The following DNER variants were observed in gnomAD, a reference collection of about 807,000 sequenced individuals.
DNER encodes the protein delta/notch like EGF repeat containing.
A neutral mutation model predicts 78.2 loss-of-function variants in DNER; 33 were observed. The ratio of observed to expected loss-of-function variants is 0.42; its 90% confidence interval spans 0.32 to 0.56. The LOEUF (loss-of-function observed/expected upper bound fraction) is 0.56, where lower values mean the gene tolerates loss of function less well. DNER is among the 20% of genes least tolerant of loss of function. The probability of loss-of-function intolerance (pLI) is 0.11; values close to 1 mark genes in which losing one functional copy is unlikely to be tolerated. For synonymous variants in DNER, 417 were observed against 384.8 expected (o/e 1.08, Z -0.98); for missense variants, 918 against 975.3 (o/e 0.94, Z 0.78).
chr2:229,643,778 T>G (rs755657225), intron 1 of DNER, among the ~76,000 whole-genome samples: 21 of 152,238 alleles, frequency 1.4e-4, no homozygotes, highest in Non-Finnish European at 1.2e-4. Flanking sequence ...TTTGCCATAC[T>G]TAGCCATTTT....
chr2:229,436,984 T>C (rs1468655996), intron 8 of DNER, among the ~76,000 whole-genome samples: 1 of 152,226 alleles, frequency 6.6e-6, no homozygotes, highest in African/African-American at 2.4e-5. Flanking sequence ...CATGCCCCAA[T>C]TAAAAGGCAC....
At chr2:229,506,083 C>G (rs1011745530) in intron 6 of DNER, among the ~76,000 whole-genome samples, 1 of 152,178 alleles carries the variant, frequency 6.6e-6, no homozygotes, top group Non-Finnish European at 1.5e-5. Flanking sequence ...AACCACCAAA[C>G]TGTTTTGGGG....
chr2:229,531,376 A>G (rs547349493), intron 5 of DNER, among the ~76,000 whole-genome samples: 1 of 152,368 alleles, frequency 6.6e-6, no homozygotes, highest in South Asian at 2.1e-4. Context: ...TTCCAAAGAC[A>G]TAAAGCACCT....
At chr2:229,447,289 G>A (rs1238822789) in intron 8 of DNER, 27 bp downstream of exon 8, 2 of 1,549,446 alleles carry the variant, frequency 1.3e-6, no homozygotes, top group Non-Finnish European at 1.8e-6. Context: ...AGAAAAGGAA[G>A]ATGTACTGTG....
intron 11 of DNER, among the ~76,000 whole-genome samples, chr2:229,379,919 G>A (rs1464654040): frequency 6.6e-6 from 1 of 152,154 alleles, no homozygotes; most frequent in Non-Finnish European, 1.5e-5. Context: ...CAACAAGAAA[G>A]TAGTTCTCAC....
intron 12 of DNER, among the ~76,000 whole-genome samples, chr2:229,364,571 C>T (rs959076991): frequency 4.3e-4 from 66 of 152,152 alleles, no homozygotes; most frequent in African/African-American, 1.6e-3. Flanking sequence ...GTTGAGTTCT[C>T]TGTCCTCCCT....
chr2:229,544,418 A>T (rs1372999154), intron 5 of DNER, among the ~76,000 whole-genome samples: 2 of 152,164 alleles, frequency 1.3e-5, no homozygotes, highest in Non-Finnish European at 2.9e-5. Flanking sequence ...AGCAGAAATG[A>T]TTACTTTCAC....
At chr2:229,439,641 A>C (rs1377235476) in intron 8 of DNER, among the ~76,000 whole-genome samples, 1 of 152,212 alleles carries the variant, frequency 6.6e-6, no homozygotes, top group Non-Finnish European at 1.5e-5. Context: ...CAGTGATTGG[A>C]TCATAATAAT....
intron 4 of DNER, among the ~76,000 whole-genome samples, chr2:229,563,372 A>T (rs935383484): frequency 6.9e-6 from 1 of 145,162 alleles, no homozygotes; most frequent in African/African-American, 2.6e-5. Context: ...CACCATCATC[A>T]TCATCCTCAC....
At chr2:229,560,031 A>G (rs1371187880) in intron 4 of DNER, among the ~76,000 whole-genome samples, 1 of 152,176 alleles carries the variant, frequency 6.6e-6, no homozygotes, top group Non-Finnish European at 1.5e-5. Flanking sequence ...AGGACAACCA[A>G]AAGGGGCTCC....
chr2:229,608,477 C>G (rs1204169064), intron 1 of DNER, among the ~76,000 whole-genome samples: 1 of 152,158 alleles, frequency 6.6e-6, no homozygotes, highest in Admixed American at 6.5e-5. Context: ...AAAAGAATCT[C>G]TTAAATAAGA....
intron 1 of DNER, among the ~76,000 whole-genome samples, chr2:229,649,860 G>A (rs1698780718): frequency 6.6e-6 from 1 of 152,022 alleles, no homozygotes; most frequent in Admixed American, 6.6e-5. Context: ...GGATCACGAG[G>A]TCAGGAGATC....
At chr2:229,556,080 T>C (rs1696850506) in intron 4 of DNER, among the ~76,000 whole-genome samples, 1 of 152,212 alleles carries the variant, frequency 6.6e-6, no homozygotes, top group Non-Finnish European at 1.5e-5. Context: ...AATGATTAGT[T>C]TTAAAGTCCT....
At chr2:229,507,157 T>C (rs371557846) in intron 6 of DNER, among the ~76,000 whole-genome samples, 1 of 152,224 alleles carries the variant, frequency 6.6e-6, no homozygotes, top group East Asian at 1.9e-4. Flanking sequence ...TGTAATCTTA[T>C]GGCACATCAT....
At chr2:229,418,296 T>G in intron 8 of DNER, 66 bp from the exon 9 acceptor site, 2 of 1,604,470 alleles carry the variant, frequency 1.2e-6, no homozygotes, top group Non-Finnish European at 1.7e-6. Context: ...GGGACCAGCC[T>G]GCAAGGAAGG....
At chr2:229,444,839 A>G (rs1157100400) in intron 8 of DNER, among the ~76,000 whole-genome samples, 1 of 152,190 alleles carries the variant, frequency 6.6e-6, no homozygotes, top group Non-Finnish European at 1.5e-5. Flanking sequence ...AAGCCTGGGC[A>G]ACAAGAGCAA....
intron 1 of DNER, among the ~76,000 whole-genome samples, chr2:229,699,427 T>A (rs1699709653): frequency 6.6e-6 from 1 of 152,214 alleles, no homozygotes; most frequent in Non-Finnish European, 1.5e-5. Flanking sequence ...GTGCAATGGC[T>A]GGATTTCAGC....
At chr2:229,656,596 C>A (rs555572532) in intron 1 of DNER, among the ~76,000 whole-genome samples, 1 of 152,224 alleles carries the variant, frequency 6.6e-6, no homozygotes, top group South Asian at 2.1e-4. Flanking sequence ...ACCTGTTATT[C>A]TCGGTACATT....
In DNER at chr2:229,585,955, G is replaced by A. The variant is rs757999807; in HGVS notation, c.750C>T (p.Cys250=). ...WKVTATGFQQ[C]SLIDGRSVTP... Reference sequence around the variant, plus strand: ...TCACACTTCGTCCATCTATGAGGGAGCACTGTTGGAATCCTGTGGCCGTGA... The same window carrying A: ...TCACACTTCGTCCATCTATGAGGGAACACTGTTGGAATCCTGTGGCCGTGA... The change falls in exon 4 of 13, where the codon TGC becomes TGT. Residue 250 remains cysteine, a synonymous_variant. Transcript: ENST00000341772. The A allele has an allele frequency of 1.1e-5, 18 of 1,614,142 alleles. No homozygotes were observed. The East Asian group carries it at 3.8e-4, about 34-fold the overall frequency.
Sources: allele counts gnomAD v4.1 joint callset (sites outside exome capture counted in the v4.1 genomes callset), GRCh38; gene constraint gnomAD v4.1.1; transcripts MANE v1.5; gene names NCBI Gene and HGNC (gene_info 2026-07-23, HGNC 2026-07-21).